RBM6: variants seen among roughly 807,000 people sequenced by gnomAD.
RBM6 encodes the protein RNA binding motif protein 6.
In RBM6, 23 loss-of-function variants were observed where a neutral mutation model predicts 140.4. The observed-to-expected ratio is 0.16, with a 90% CI of 0.12 to 0.23. The LOEUF is 0.23. RBM6 is among the 10% of genes least tolerant of loss of function. RBM6 has a pLI of 1.00. For missense variants in RBM6, 1,139 were observed against 1,386.7 expected (o/e 0.82, Z 2.84); for synonymous variants, 439 against 475.6 (o/e 0.92, Z 1.00).
chr3:50,020,482 T>C (rs1245510758), intron 6 of RBM6, among the ~76,000 whole-genome samples: 1 of 152,226 alleles, frequency 6.6e-6, no homozygotes, highest in East Asian at 1.9e-4. Context: ...TTTCTTCTCT[T>C]TTAATATATG....
intron 15 of RBM6, among the ~76,000 whole-genome samples, chr3:50,063,224 C>G (rs144591435): frequency 1.3e-5 from 2 of 152,134 alleles, no homozygotes; most frequent in African/African-American, 4.8e-5. Flanking sequence ...TAATATATAA[C>G]ATTTAGCATT....
At chr3:50,040,017 G>A (rs771929006) in intron 6 of RBM6, among the ~76,000 whole-genome samples, 8 of 152,040 alleles carry the variant, frequency 5.3e-5, no homozygotes, top group African/African-American at 1.4e-4. Flanking sequence ...CCAAGACTAC[G>A]GATCCCTGGT....
intron 3 of RBM6, among the ~76,000 whole-genome samples, chr3:49,971,310 A>G (rs1258469334): frequency 2.9e-5 from 4 of 140,152 alleles, no homozygotes; most frequent in South Asian, 4.7e-4. Flanking sequence ...CCAGGTGTGG[A>G]GGTGGGCGCC....
intron 6 of RBM6, among the ~76,000 whole-genome samples, chr3:50,040,246 A>T (rs1445402502): frequency 6.6e-6 from 1 of 151,898 alleles, no homozygotes; most frequent in African/African-American, 2.4e-5. Flanking sequence ...GGAGACCGAG[A>T]CCATCCTGGC....
intron 6 of RBM6, among the ~76,000 whole-genome samples, chr3:50,040,778 C>G (rs1347150443): frequency 6.6e-6 from 1 of 151,646 alleles, no homozygotes; most frequent in Non-Finnish European, 1.5e-5. Context: ...CACCTCAGCC[C>G]CTGGAGTAGT....
chr3:50,028,827 C>T (rs2087984497), intron 6 of RBM6, among the ~76,000 whole-genome samples: 1 of 152,154 alleles, frequency 6.6e-6, no homozygotes, highest in Non-Finnish European at 1.5e-5. Flanking sequence ...GTGGTTTTGG[C>T]TCTGTTTTAT....
chr3:49,958,750 C>CA (rs555958313), intron 1 of RBM6, among the ~76,000 whole-genome samples: 7,717 of 99,344 alleles, frequency 0.078, 247 homozygotes, highest in Non-Finnish European at 0.1. Context: ...GACTCCATTT[C>CA]AAAAAAAAAA....
chr3:50,065,201 G>C, intron 16 of RBM6, 75 bp downstream of exon 16: 1 of 1,100,928 alleles, frequency 9.1e-7, no homozygotes, highest in Admixed American at 2.3e-5. Context: ...AAGCGCAAAG[G>C]CTGATGCCTT....
chr3:50,047,646 A>G (rs574698660), intron 6 of RBM6, among the ~76,000 whole-genome samples: 7 of 152,210 alleles, frequency 4.6e-5, no homozygotes, highest in Admixed American at 1.3e-4. Flanking sequence ...TGCTCCCACC[A>G]GCCAATCAGT....
rs58115280 is a variant in RBM6, at chr3:50,018,581, G to GTTTT, written c.1557+19095_1557+19098dup. On this transcript the variant is annotated intron_variant, in intron 6 of 20. Transcript: ENST00000266022. ...TTACTGGATCGTATGGTAGGAGTGT[G>GTTTT]TTTTTTTTTTTTTTTTTTTTTTTTT... is the stretch of plus-strand genomic sequence containing the variant. 1.3e-3 allele frequency among the ~76,000 whole-genome samples: 85 copies of GTTTT among 63,560 alleles called. 9 individuals carry two copies. Among genetic ancestry groups the GTTTT allele is most frequent in the African/African-American group, 1.7e-3 (25 of 15,026 alleles). 41.7% of individuals were successfully genotyped at this position (63,560 alleles called of 152,430 possible).
At chr3:49,945,012 G>A (rs1253190641) in intron 1 of RBM6, among the ~76,000 whole-genome samples, 3 of 151,616 alleles carry the variant, frequency 2.0e-5, no homozygotes, top group Non-Finnish European at 2.9e-5. Context: ...GAGTAGCTGG[G>A]ACTACAGCAT....
At chr3:49,951,206 ATTTC>A (rs2083713193) in intron 1 of RBM6, among the ~76,000 whole-genome samples, 1 of 152,078 alleles carries the variant, frequency 6.6e-6, no homozygotes, top group Non-Finnish European at 1.5e-5. Context: ...AGCAGTTACT[ATTTC>A]TTTTTGTTTG....
At chr3:49,976,716 G>A (rs985346978) in intron 5 of RBM6, among the ~76,000 whole-genome samples, 4 of 152,146 alleles carry the variant, frequency 2.6e-5, no homozygotes, top group Admixed American at 2.6e-4. Context: ...TCAAACTCCA[G>A]TTTCTTTAGT....
chr3:50,038,363 A>C (rs2088669630), intron 6 of RBM6, among the ~76,000 whole-genome samples: 1 of 152,110 alleles, frequency 6.6e-6, no homozygotes, highest in East Asian at 1.9e-4. Flanking sequence ...GAAGCTTTAT[A>C]TTTTCCACAT....
At chr3:50,030,145 G>A (rs1200250377) in intron 6 of RBM6, among the ~76,000 whole-genome samples, 6 of 151,636 alleles carry the variant, frequency 4.0e-5, no homozygotes, top group African/African-American at 1.2e-4. Flanking sequence ...ATGGGGGCAC[G>A]TGCCTGTAGT....
intron 6 of RBM6, among the ~76,000 whole-genome samples, chr3:50,035,190 A>G (rs1178604745): frequency 1.3e-5 from 2 of 152,108 alleles, no homozygotes; most frequent in African/African-American, 4.8e-5. Flanking sequence ...AGGCAGAAGG[A>G]GAGACCAAGG....
At chr3:50,036,306 A>G (rs957852881) in intron 6 of RBM6, among the ~76,000 whole-genome samples, 1 of 152,216 alleles carries the variant, frequency 6.6e-6, no homozygotes, top group African/African-American at 2.4e-5. Flanking sequence ...AAGGCATCCA[A>G]GGGTTACGTC....
rs1318995450 is a variant in RBM6 at position 49,975,352 on chromosome 3, C to T, written c.1443C>T (p.Gly481=). The change falls in exon 5 of 21, where the codon GGC becomes GGT. Residue 481 remains glycine (G), a synonymous_variant. Transcript: ENST00000266022. The part of the protein sequence containing the change: ...EILNAFRTPD[G]MPVKNLQLKE... ...TTAATGCTTTTCGGACTCCTGATGG[C>T]ATGCCTGTAAAGAACTTGCAGTTGA... 2 of 1,613,690 alleles carry T rather than the reference C, an allele frequency of 1.2e-6. No homozygotes were observed. The highest frequency in any genetic ancestry group is 1.7e-6 in the Non-Finnish European group (2 of 1,179,700).
intron 5 of RBM6, among the ~76,000 whole-genome samples, chr3:49,984,573 C>T (rs1482727179): frequency 6.6e-6 from 1 of 151,570 alleles, no homozygotes; most frequent in Non-Finnish European, 1.5e-5. Context: ...AGAGTGAGAC[C>T]CTGTCTAACG....
Sources: allele counts gnomAD v4.1 joint callset (sites outside exome capture counted in the v4.1 genomes callset), GRCh38; gene constraint gnomAD v4.1.1; transcripts MANE v1.5; gene names NCBI Gene and HGNC (gene_info 2026-07-23, HGNC 2026-07-21).